SPPL3: variants seen among roughly 807,000 people sequenced by gnomAD.
The protein encoded by SPPL3 is signal peptide peptidase like 3, also known as signal peptide peptidase-like 3.
Under a neutral mutation model 42.4 loss-of-function variants are expected in SPPL3, and 5 were observed. That is an observed-to-expected ratio of 0.12 (90% confidence interval 0.06 to 0.25). The LOEUF (loss-of-function observed/expected upper bound fraction) is 0.25, where lower values mean the gene tolerates loss of function less well. Among genes scored for constraint, SPPL3 ranks in the 10% least tolerant of loss-of-function variants. The pLI is 1.00. For synonymous variants in SPPL3, 195 were observed against 181.8 expected (o/e 1.07, Z -0.58); for missense variants, 235 against 489.0 (o/e 0.48, Z 4.90).
At position 120,764,472 on chromosome 12, in the gene SPPL3, CAGAAAATAT is replaced by C. The variant is rs1868800688; in HGVS notation, c.*518_*526del. On this transcript the variant is annotated 3_prime_UTR_variant, in exon 11 of 11. Transcript: ENST00000353487. Reference sequence around the variant, plus strand: ...GGATTTAATAAGTCACTTCACACCACAGAAAATATTTAATAAATCCAAAAAAAGGAAAGA... The same window carrying C: ...GGATTTAATAAGTCACTTCACACCACTTAATAAATCCAAAAAAAGGAAAGA... The C allele has an allele frequency of 6.3e-6, 1 of 159,866 alleles. No homozygotes were observed. Among genetic ancestry groups the C allele is most frequent in the African/African-American group, 2.4e-5 (1 of 41,716 alleles). The allele number at this position is 159,866 out of a possible 1,614,324, so 9.9% of individuals were successfully genotyped here. A position where few individuals can be genotyped will look rare whatever the true frequency, so the allele number is the denominator to read the frequency against.
At chr12:120,848,633 A>C (rs1872123615) in intron 1 of SPPL3, among the ~76,000 whole-genome samples, 1 of 152,240 alleles carries the variant, frequency 6.6e-6, no homozygotes, top group African/African-American at 2.4e-5. Context: ...CTTATAAATT[A>C]ATCTATATAT....
chr12:120,845,719 G>C (rs535182503), intron 1 of SPPL3: 1 of 236,886 alleles, frequency 4.2e-6, no homozygotes, highest in Non-Finnish European at 8.7e-6. Flanking sequence ...CTCCGAGCCA[G>C]GTACTGTTTT....
chr12:120,890,705 G>T (rs1204591733), intron 1 of SPPL3, among the ~76,000 whole-genome samples: 7 of 151,882 alleles, frequency 4.6e-5, no homozygotes, highest in Admixed American at 3.9e-4. Flanking sequence ...AACTTTAAGG[G>T]AAAAAAGGGA....
intron 1 of SPPL3, among the ~76,000 whole-genome samples, chr12:120,843,760 C>A (rs1871918175): frequency 6.6e-6 from 1 of 152,148 alleles, no homozygotes; most frequent in Non-Finnish European, 1.5e-5. Context: ...CGAGACCAGC[C>A]TGGCCAACAA....
chr12:120,791,882 CTT>C, intron 2 of SPPL3: 1 of 289,502 alleles, frequency 3.5e-6, no homozygotes, highest in South Asian at 3.4e-5. Flanking sequence ...CATTTTGAGA[CTT>C]TTACATACCA....
intron 2 of SPPL3, among the ~76,000 whole-genome samples, chr12:120,802,445 T>TTTTG (rs1181131247): frequency 1.4e-5 from 2 of 139,304 alleles, no homozygotes; most frequent in Non-Finnish European, 3.1e-5. Flanking sequence ...TTTTTTTTTT[T>TTTTG]CCTTTTTGAG....
At chr12:120,899,187 C>A (rs973557142) in intron 1 of SPPL3, among the ~76,000 whole-genome samples, 8 of 152,190 alleles carry the variant, frequency 5.3e-5, no homozygotes, top group African/African-American at 1.9e-4. Context: ...GATAAAGATT[C>A]TGATGTTACT....
intron 2 of SPPL3, among the ~76,000 whole-genome samples, chr12:120,805,970 G>C (rs776281599): frequency 4.1e-5 from 6 of 145,088 alleles, no homozygotes; most frequent in Non-Finnish European, 7.5e-5. Flanking sequence ...CTGATCTATA[G>C]ATTCACAATG....
chr12:120,892,165 T>A (rs1191889058), intron 1 of SPPL3, among the ~76,000 whole-genome samples: 1 of 152,130 alleles, frequency 6.6e-6, no homozygotes, highest in African/African-American at 2.4e-5. Context: ...TCTAACAAAT[T>A]TCACCCCTAA....
At chr12:120,778,489 C>T (rs1480128925) in intron 6 of SPPL3, among the ~76,000 whole-genome samples, 1 of 152,092 alleles carries the variant, frequency 6.6e-6, no homozygotes, top group Non-Finnish European at 1.5e-5. Context: ...TTTACAGAGT[C>T]ACCACCATGC....
At chr12:120,803,868 T>C (rs1416624145) in intron 2 of SPPL3, among the ~76,000 whole-genome samples, 2 of 141,620 alleles carry the variant, frequency 1.4e-5, no homozygotes, top group Non-Finnish European at 3.1e-5. Flanking sequence ...AGTTATGGAA[T>C]GACAAAAAGG....
intron 1 of SPPL3, among the ~76,000 whole-genome samples, chr12:120,871,198 A>G (rs1172514207): frequency 1.3e-5 from 2 of 151,832 alleles, no homozygotes; most frequent in Non-Finnish European, 2.9e-5. Context: ...AACAATGTGA[A>G]TACACATAAT....
chr12:120,818,466 T>C (rs967248195), intron 1 of SPPL3, among the ~76,000 whole-genome samples: 1 of 152,226 alleles, frequency 6.6e-6, no homozygotes, highest in Non-Finnish European at 1.5e-5. Context: ...TTTAGAACCA[T>C]GCTGGATTTT....
chr12:120,879,621 C>A (rs1873218735), intron 1 of SPPL3, among the ~76,000 whole-genome samples: 1 of 152,014 alleles, frequency 6.6e-6, no homozygotes, highest in Non-Finnish European at 1.5e-5. Context: ...TAATATGCAG[C>A]CTTTTTCAAG....
At chr12:120,803,056 G>A (rs916826111) in intron 2 of SPPL3, among the ~76,000 whole-genome samples, 10 of 152,182 alleles carry the variant, frequency 6.6e-5, no homozygotes, top group Non-Finnish European at 1.3e-4. Flanking sequence ...TAGGATAAAA[G>A]TCTGTCTGAT....
chr12:120,874,810 C>A (rs755699348), intron 1 of SPPL3, among the ~76,000 whole-genome samples: 22 of 151,784 alleles, frequency 1.4e-4, no homozygotes, highest in Non-Finnish European at 3.1e-4. Context: ...TGGTTATGCA[C>A]CTTCTCCTTG....
At chr12:120,796,374 AAAAAT>A (rs1238848758) in intron 2 of SPPL3, among the ~76,000 whole-genome samples, 1 of 152,132 alleles carries the variant, frequency 6.6e-6, no homozygotes, top group Non-Finnish European at 1.5e-5. Context: ...ACTCTGTCTC[AAAAAT>A]AAAATAAAAA....
intron 1 of SPPL3, among the ~76,000 whole-genome samples, chr12:120,877,930 G>A (rs948373725): frequency 2.0e-5 from 3 of 152,038 alleles, no homozygotes; most frequent in Non-Finnish European, 4.4e-5. Flanking sequence ...CCTGAGGCAG[G>A]AGAATCGCTT....
At chr12:120,854,371 T>C (rs1435439731) in intron 1 of SPPL3, among the ~76,000 whole-genome samples, 1 of 152,338 alleles carries the variant, frequency 6.6e-6, no homozygotes, top group East Asian at 1.9e-4. Flanking sequence ...TATGTATCTA[T>C]ATACATACTC....
Sources: gnomAD v4.1 joint callset for allele counts (sites outside exome capture counted in the v4.1 genomes callset) on GRCh38, gnomAD v4.1.1 for gene constraint, MANE v1.5 for transcripts, NCBI Gene and HGNC (gene_info 2026-07-23, HGNC 2026-07-21) for gene names.